The following ADGRG2 variants were observed in gnomAD, a reference collection of about 807,000 sequenced individuals.
The protein encoded by ADGRG2 is adhesion G protein-coupled receptor G2, also known as G protein-coupled receptor 64.
A neutral mutation model predicts 74.1 loss-of-function variants in ADGRG2; 26 were observed. That is an observed-to-expected ratio of 0.35 (90% CI 0.26 to 0.49). The LOEUF (loss-of-function observed/expected upper bound fraction) is 0.49. ADGRG2 is among the 20% of genes least tolerant of loss of function. The pLI is 0.99. For missense variants in ADGRG2, 619 were observed against 763.1 expected (o/e 0.81, Z 2.22); for synonymous variants, 296 against 295.2 (o/e 1.00, Z -0.03).
At position 19,014,002 on chromosome X, in the gene ADGRG2, G is replaced by C. The variant is rs780663367; in HGVS notation, c.783C>G (p.Ile261Met). The change falls in exon 16 of 29, where the codon ATC becomes ATG. Residue 261 changes from isoleucine (I) to methionine (M), a missense_variant. Ile to Met is a conservative substitution (Grantham distance 10). Around this residue, in one of 3 missense-constraint regions of ADGRG2, gnomAD observed 292 missense variants for 318.0 expected, o/e 0.92. Transcript: ENST00000379869. ...GCACAGTGGCCCGAGGCACCACTGGGATGGATTGGCTGGAAGAAAATGGTG... is the reference window on the plus strand; with the variant it reads ...GCACAGTGGCCCGAGGCACCACTGGCATGGATTGGCTGGAAGAAAATGGTG... ...RGPPFSSSQS[I>M]PVVPRATVLS... 4.1e-6 allele frequency: 5 copies of C among 1,206,699 alleles called. No homozygotes were observed. In the African/African-American group the frequency reaches 7.0e-5, roughly 17 times the overall value.
At chrX:19,076,474 C>G (rs1370401409) in intron 2 of ADGRG2, among the ~76,000 whole-genome samples, 2 of 111,861 alleles carry the variant, frequency 1.8e-5, no homozygotes, top group Admixed American at 1.9e-4. Flanking sequence ...TGAACTTTTA[C>G]TATATAAAAC....
rs185259048 is a variant in ADGRG2 at position 19,006,470 on chromosome X, A to G, written c.1690-205T>C. ...AGACCAGCACTTCTTAAGCTCATCA[A>G]TCGTGCATAGGAATCACTTTGGGGC... On this transcript the variant is annotated intron_variant, in intron 20 of 28. Coordinates refer to ENST00000379869, the MANE Select transcript of ADGRG2 (RefSeq NM_001079858.3). Among the ~76,000 whole-genome samples, 34 of 111,025 alleles carry G rather than the reference A, an allele frequency of 3.1e-4. No individual in the cohort carries two copies. In the East Asian group the frequency reaches 4.8e-3, roughly 16 times the overall value.
intron 26 of ADGRG2, among the ~76,000 whole-genome samples, chrX:18,997,042 C>T (rs902057100): frequency 1.8e-5 from 2 of 111,360 alleles, no homozygotes; most frequent in Non-Finnish European, 3.8e-5. Flanking sequence ...GAGCCGAGAT[C>T]GCTCCACTGC....
In ADGRG2 at chrX:19,082,072, C is replaced by CAAAA. The variant is rs57534658; in HGVS notation, c.-2+626_-2+629dup. On this transcript the variant is annotated intron_variant, in intron 2 of 28. Coordinates refer to ENST00000379869, the MANE Select transcript of ADGRG2 (RefSeq NM_001079858.3). ...TGGGTGACAGAGGGAGACCCTGTCT[C>CAAAA]AAAAAAAAAAAAAAAAAAAAAAAAA... Among the ~76,000 whole-genome samples, 119 of 21,173 alleles carry CAAAA rather than the reference C, an allele frequency of 5.6e-3. 5 individuals carry two copies. The highest frequency in any genetic ancestry group is 0.053 in the East Asian group (27 of 505). 18.4% of individuals were successfully genotyped at this position (21,173 alleles called of 115,157 possible).
At chrX:19,024,431 T>C in intron 11 of ADGRG2, among the ~76,000 whole-genome samples, 1 of 111,816 alleles carries the variant, frequency 8.9e-6, no homozygotes, top group Non-Finnish European at 1.9e-5. Context: ...AATTCTCTCT[T>C]TCCTCTCCTC....
Position 18,999,041 on chromosome X carries a change from T to G in ADGRG2, c.2569A>C (p.Asn857His). ...GCAAACAGATACATGAAGGTCACGT[T>G]AACTGGTCCCCAGGCAAAGAAGGCA... ...GFAFFAWGPV[N>H]VTFMYLFAIF... Residue 857 changes from asparagine to histidine, a missense_variant, in exon 26 of 29, where the codon AAC (asparagine) becomes CAC (histidine). Asn to His is a moderately conservative substitution (Grantham distance 68). This residue lies in a region of ADGRG2 where 221 missense variants were observed against 340.6 expected (regional missense o/e 0.65). Coordinates refer to ENST00000379869, the MANE Select transcript of ADGRG2 (RefSeq NM_001079858.3). 1 of 1,209,005 alleles carries G rather than the reference T, an allele frequency of 8.3e-7. No homozygotes were observed. The highest frequency in any genetic ancestry group is 1.7e-5 in the African/African-American group (1 of 57,771).
chrX:19,022,621 C>A (rs1019773032), intron 13 of ADGRG2, among the ~76,000 whole-genome samples: 21 of 112,133 alleles, frequency 1.9e-4, no homozygotes, highest in African/African-American at 6.5e-4. Flanking sequence ...ATCTGTGCAA[C>A]CCCAAATAAT....
intron 28 of ADGRG2, among the ~76,000 whole-genome samples, 157 bp from the exon 29 acceptor site, chrX:18,991,205 T>G (rs1325246143): frequency 2.7e-5 from 3 of 112,414 alleles, no homozygotes; most frequent in Non-Finnish European, 3.8e-5. Flanking sequence ...TATTTTTCAT[T>G]ACTTCCCTAA....
chrX:19,065,308 AAAAAAC>A (rs201397914), intron 3 of ADGRG2, among the ~76,000 whole-genome samples: 7,614 of 104,066 alleles, frequency 0.073, 391 homozygotes, highest in Non-Finnish European at 0.12. Flanking sequence ...AAGAAAAAGA[AAAAAAC>A]AAAAACAAAA....
chrX:19,121,501 T>C (rs760885161), intron 1 of ADGRG2, among the ~76,000 whole-genome samples: 2 of 111,152 alleles, frequency 1.8e-5, no homozygotes, highest in South Asian at 7.8e-4. Flanking sequence ...ATACATACTG[T>C]AAAGTCTTAG....
chrX:19,005,868 G>T, intron 22 of ADGRG2, 134 bp downstream of exon 22: 1 of 478,240 alleles, frequency 2.1e-6, no homozygotes, highest in Non-Finnish European at 3.8e-6. Context: ...CAATCTCATT[G>T]GTGTATAAAT....
chrX:19,115,559 A>T (rs2062495483), intron 1 of ADGRG2, among the ~76,000 whole-genome samples: 1 of 111,452 alleles, frequency 9.0e-6, no homozygotes, highest in African/African-American at 3.3e-5. Flanking sequence ...TAGCACAGCA[A>T]ACGCTTGGCT....
intron 7 of ADGRG2, chrX:19,035,023 T>G (rs1017032018): frequency 6.2e-5 from 7 of 112,354 alleles, no homozygotes; most frequent in Admixed American, 4.7e-4. Flanking sequence ...GAAATGAACT[T>G]CTGGTTTTGG....
intron 3 of ADGRG2, among the ~76,000 whole-genome samples, chrX:19,043,146 G>T (rs2061105181): frequency 8.9e-6 from 1 of 111,781 alleles, no homozygotes; most frequent in African/African-American, 3.3e-5. Context: ...ATTTTTAAAT[G>T]ATTCTTCTCT....
In ADGRG2 at chrX:19,013,865, G is replaced by A. The variant is rs761433588; in HGVS notation, c.920C>T (p.Ser307Leu). 8.3e-7 allele frequency: 1 copy of A among 1,206,503 alleles called. No individual in the cohort carries two copies. The highest frequency in any genetic ancestry group is 1.8e-5 in the African/African-American group (1 of 56,743). ...GEIQPLSPQP[S>L]APIASSPAID... ...GGCAGGGCTGGAAGCTATGGGAGCT[G>A]AAGGCTGGGGTGAAAGGGGTTGAAT... The change falls in exon 16 of 29, where the codon TCA becomes TTA. Residue 307 changes from serine to leucine, a missense_variant. Ser to Leu is a moderately radical substitution (Grantham distance 145, BLOSUM62 -2). Transcript: ENST00000379869.
At position 18,989,363 on chromosome X, in the gene ADGRG2, T is replaced by A. The variant is rs1419519570; in HGVS notation, c.*1501A>T. ...GATTTTAACATTTTTGATTTTAACA[T>A]ATAAATACAAGAAAATTAAATAAAT... On this transcript the variant is annotated 3_prime_UTR_variant, in exon 29 of 29. Transcript: ENST00000379869. 4.4e-5 allele frequency: 5 copies of A among 112,577 alleles called. No homozygotes were observed. Among genetic ancestry groups the A allele is most frequent in the Non-Finnish European group, 9.4e-5 (5 of 53,374 alleles). The allele number at this position is 112,577 out of a possible 1,213,427, so 9.3% of individuals were successfully genotyped here.
chrX:18,999,157 T>C lies in ADGRG2; in HGVS notation c.2453A>G (p.Lys818Arg). 1 of 1,211,176 alleles carries C rather than the reference T, an allele frequency of 8.3e-7. No homozygotes were observed. Among genetic ancestry groups the C allele is most frequent in the South Asian group, 1.8e-5 (1 of 56,965 alleles). Residue 818 changes from lysine (K) to arginine (R), a missense_variant, in exon 26 of 29, where the codon AAG becomes AGG. Lys to Arg is a conservative substitution (Grantham distance 26, BLOSUM62 2). This residue lies in a region of ADGRG2 where 221 missense variants were observed against 340.6 expected (regional missense o/e 0.65). Coordinates refer to ENST00000379869, the MANE Select transcript of ADGRG2 (RefSeq NM_001079858.3). ...VLVQLCRIKK[K>R]KQLGAQRKTS... Reference sequence around the variant, plus strand: ...TTTTCGCTGGGCTCCCAGTTGCTTCTTCTTTTTAATTCGACAGAGCTGAAC... The same window carrying C: ...TTTTCGCTGGGCTCCCAGTTGCTTCCTCTTTTTAATTCGACAGAGCTGAAC...
chrX:19,086,946 G>C (rs1032205980), intron 1 of ADGRG2, among the ~76,000 whole-genome samples: 1 of 111,571 alleles, frequency 9.0e-6, no homozygotes, highest in Non-Finnish European at 1.9e-5. Flanking sequence ...GATGGGGCCA[G>C]AGAGAAGGAA....
rs184254465 is a variant in ADGRG2, at chrX:19,121,001, G to A, written c.-47+1441C>T. On this transcript the variant is annotated intron_variant, in intron 1 of 28. Coordinates refer to ENST00000379869, the MANE Select transcript of ADGRG2 (RefSeq NM_001079858.3). ...TTTGCATTTGTAGAGAATCTGCACG[G>A]ATGTAGCCAGGCTTTATCGAGGTCC... Among the ~76,000 whole-genome samples, 273 of 112,054 alleles carry A rather than the reference G, an allele frequency of 2.4e-3. 3 individuals are homozygous for A. Among genetic ancestry groups the A allele is most frequent in the African/African-American group, 8.2e-3 (254 of 30,906 alleles).
Sources: gnomAD v4.1 joint callset for allele counts (sites outside exome capture counted in the v4.1 genomes callset) on GRCh38, gnomAD v4.1.1 for gene constraint, gnomAD v4.1.1 regional missense constraint, MANE v1.5 for transcripts, NCBI Gene and HGNC (gene_info 2026-07-23, HGNC 2026-07-21) for gene names.